AK5: variants seen among roughly 807,000 people sequenced by gnomAD.
The protein encoded by AK5 is adenylate kinase 5, also known as adenylate kinase isoenzyme 5.
In AK5, 27 loss-of-function variants were observed where a neutral mutation model predicts 69.5. The observed-to-expected ratio is 0.39, with a 90% CI of 0.29 to 0.54. AK5 has a LOEUF of 0.54. Among genes scored for constraint, AK5 ranks in the 20% least tolerant of loss-of-function variants. The pLI is 0.71. For synonymous variants in AK5, 260 were observed against 244.4 expected (o/e 1.06, Z -0.60); for missense variants, 531 against 700.4 (o/e 0.76, Z 2.73).
chr1:77,352,939 T>G (rs1177700472), intron 6 of AK5, among the ~76,000 whole-genome samples: 1 of 152,242 alleles, frequency 6.6e-6, no homozygotes, highest in Non-Finnish European at 1.5e-5. Flanking sequence ...GTTTGGTTTA[T>G]GTTTGCAAAT....
intron 8 of AK5, among the ~76,000 whole-genome samples, chr1:77,468,255 G>GA (rs933830430): frequency 6.6e-6 from 1 of 152,172 alleles, no homozygotes. Context: ...ATTTAATATG[G>GA]AAAAAATTGA....
Position 77,282,053 on chromosome 1 carries a change from G to C in AK5, c.-261G>C. 2.9e-6 allele frequency: 1 copy of C among 349,698 alleles called. No individual in the cohort carries two copies. The highest frequency in any genetic ancestry group is 5.1e-6 in the Non-Finnish European group (1 of 194,282). 21.7% of individuals were successfully genotyped at this position (349,698 alleles called of 1,614,324 possible). A position where few individuals can be genotyped will look rare whatever the true frequency, so the allele number is the denominator to read the frequency against. On this transcript the variant is annotated 5_prime_UTR_variant, in exon 1 of 14. Transcript: ENST00000354567. ...GCTGCCTGGCAGCCCGGGAAGCCGC[G>C]GCACAGCTGCTCGGCGCCTGCAGCT...
chr1:77,451,774 C>G (rs940677290), intron 8 of AK5, among the ~76,000 whole-genome samples: 1 of 152,224 alleles, frequency 6.6e-6, no homozygotes, highest in African/African-American at 2.4e-5. Flanking sequence ...CGGCGATTGC[C>G]TTTGCACCAT....
At chr1:77,359,358 A>AT (rs1646820977) in intron 6 of AK5, among the ~76,000 whole-genome samples, 1 of 151,960 alleles carries the variant, frequency 6.6e-6, no homozygotes, top group South Asian at 2.1e-4. Flanking sequence ...TATAAAGAAT[A>AT]TTTTTTCATA....
At chr1:77,511,835 C>T (rs938785059) in intron 10 of AK5, among the ~76,000 whole-genome samples, 3 of 152,242 alleles carry the variant, frequency 2.0e-5, no homozygotes, top group Admixed American at 6.5e-5. Flanking sequence ...TGGCGTCCAG[C>T]TAGCTAGGGA....
intron 10 of AK5, among the ~76,000 whole-genome samples, chr1:77,508,301 G>T (rs1472429154): frequency 6.6e-6 from 1 of 151,954 alleles, no homozygotes; most frequent in Non-Finnish European, 1.5e-5. Context: ...TTTCCCTGGG[G>T]AATTTTCTAA....
chr1:77,515,134 C>G (rs1295048512), intron 10 of AK5, among the ~76,000 whole-genome samples: 1 of 152,164 alleles, frequency 6.6e-6, no homozygotes, highest in African/African-American at 2.4e-5. Context: ...TGGGGAGCCT[C>G]CATAATTGCT....
intron 5 of AK5, among the ~76,000 whole-genome samples, chr1:77,316,090 A>G (rs1247835891): frequency 6.6e-6 from 1 of 152,186 alleles, no homozygotes; most frequent in African/African-American, 2.4e-5. Flanking sequence ...TACCACGATC[A>G]TAGTGGAGTG....
chr1:77,337,258 A>T (rs539093241), intron 5 of AK5, among the ~76,000 whole-genome samples: 1 of 152,328 alleles, frequency 6.6e-6, no homozygotes, highest in East Asian at 1.9e-4. Flanking sequence ...GTAATCCCAC[A>T]TAGGTAGAAG....
At chr1:77,465,368 GA>G (rs982682657) in intron 8 of AK5, among the ~76,000 whole-genome samples, 20 of 151,430 alleles carry the variant, frequency 1.3e-4, no homozygotes, top group East Asian at 7.7e-4. Flanking sequence ...TCAATTAAGT[GA>G]AAAAAAATGA....
chr1:77,452,542 C>T (rs75221039), intron 8 of AK5, among the ~76,000 whole-genome samples: 2,934 of 152,270 alleles, frequency 0.019, 87 homozygotes, highest in East Asian at 0.12. Flanking sequence ...ATATTAAATG[C>T]TAAAATATCT....
At chr1:77,429,993 A>G (rs1319696592) in intron 8 of AK5, among the ~76,000 whole-genome samples, 1 of 152,164 alleles carries the variant, frequency 6.6e-6, no homozygotes, top group Non-Finnish European at 1.5e-5. Flanking sequence ...CCTAAGAGCA[A>G]TGGGGAACCT....
intron 12 of AK5, among the ~76,000 whole-genome samples, chr1:77,525,965 G>A: frequency 6.6e-6 from 1 of 151,902 alleles, no homozygotes; most frequent in South Asian, 2.1e-4. Flanking sequence ...TTAAAATGAT[G>A]TTTCTATTCC....
intron 8 of AK5, among the ~76,000 whole-genome samples, chr1:77,435,509 A>T (rs77160423): frequency 1.3e-5 from 2 of 152,002 alleles, no homozygotes; most frequent in African/African-American, 4.8e-5. Flanking sequence ...TTAGCTTGGC[A>T]TGGTGGCGTA....
intron 7 of AK5, among the ~76,000 whole-genome samples, chr1:77,412,896 C>T (rs1044474409): frequency 8.5e-5 from 13 of 152,134 alleles, no homozygotes; most frequent in Non-Finnish European, 1.6e-4. Context: ...CACGGGGGCA[C>T]CTTGGGAGTC....
chr1:77,527,399 A>T (rs1220952821), intron 12 of AK5, among the ~76,000 whole-genome samples: 1 of 152,110 alleles, frequency 6.6e-6, no homozygotes, highest in Non-Finnish European at 1.5e-5. Flanking sequence ...AAAGCAAAAA[A>T]CTTCCTCTCC....
chr1:77,493,699 T>G (rs1458779603), intron 10 of AK5, among the ~76,000 whole-genome samples: 1 of 152,126 alleles, frequency 6.6e-6, no homozygotes, highest in Admixed American at 6.6e-5. Flanking sequence ...CACAAGGGCC[T>G]CTTTCACACT....
intron 2 of AK5, among the ~76,000 whole-genome samples, chr1:77,288,709 G>A (rs139284526): frequency 0.012 from 1,756 of 152,270 alleles, 27 homozygotes; most frequent in Non-Finnish European, 0.014. Flanking sequence ...TGAGATGTCT[G>A]AAACTGCTAT....
intron 10 of AK5, among the ~76,000 whole-genome samples, chr1:77,505,916 A>C (rs1200188911): frequency 6.6e-6 from 1 of 152,068 alleles, no homozygotes; most frequent in East Asian, 1.9e-4. Flanking sequence ...AAATAGAAGG[A>C]AAAATAGAAA....
Sources: allele counts gnomAD v4.1 joint callset (sites outside exome capture counted in the v4.1 genomes callset), GRCh38; gene constraint gnomAD v4.1.1; transcripts MANE v1.5; gene names NCBI Gene and HGNC (gene_info 2026-07-23, HGNC 2026-07-21).